The following IL24 variants were observed in gnomAD, a reference collection of about 807,000 sequenced individuals.
The protein encoded by IL24 is interleukin-24.
In IL24, 24 loss-of-function variants were observed where a neutral mutation model predicts 27.6. The ratio of observed to expected loss-of-function variants is 0.87; its 90% CI spans 0.63 to 1.22. The LOEUF (loss-of-function observed/expected upper bound fraction) is 1.22, where lower values mean the gene tolerates loss of function less well. Ranked by LOEUF, IL24 falls within the 50% of genes most tolerant of loss-of-function variation. The pLI is 0.00. For missense variants in IL24, 240 were observed against 237.0 expected, an observed-to-expected ratio of 1.01 and a Z score of -0.08; for synonymous variants, 99 against 93.1, an observed-to-expected ratio of 1.06 and a Z score of -0.36.
chr1:206,900,272 G>A (rs376856206), intron 3 of IL24, 23 bp from the exon 4 acceptor site: 46 of 1,611,330 alleles, frequency 2.9e-5, no homozygotes, highest in East Asian at 2.7e-4. Flanking sequence ...ACCTGGAGAC[G>A]TCTTTTCTTT....
At chr1:206,900,440 T>A in intron 4 of IL24, 83 bp downstream of exon 4, 14 of 1,233,458 alleles carry the variant, frequency 1.1e-5, no homozygotes, top group Non-Finnish European at 1.7e-5. Context: ...GGGAGGTTGA[T>A]GAAAGCCCTT....
chr1:206,898,635 G>C (rs935648028), intron 2 of IL24, among the ~76,000 whole-genome samples: 1 of 152,162 alleles, frequency 6.6e-6, no homozygotes, highest in Non-Finnish European at 1.5e-5. Context: ...TGGCACTTCA[G>C]AGGAAGGCTT....
At chr1:206,898,418 C>G (rs879353526) in intron 2 of IL24, among the ~76,000 whole-genome samples, 6 of 140,720 alleles carry the variant, frequency 4.3e-5, no homozygotes, top group Admixed American at 7.5e-5. Context: ...TAAAGAAGTA[C>G]GAAAGAAAGG....
At chr1:206,898,753 G>A (rs1558639946) in intron 2 of IL24, among the ~76,000 whole-genome samples, 1 of 152,156 alleles carries the variant, frequency 6.6e-6, no homozygotes, top group African/African-American at 2.4e-5. Context: ...CATAGTCTGT[G>A]TGTGACCCTG....
chr1:206,898,246 C>G (rs1678236089), intron 2 of IL24, among the ~76,000 whole-genome samples: 1 of 151,808 alleles, frequency 6.6e-6, no homozygotes, highest in Non-Finnish European at 1.5e-5. Context: ...AAAGCATAGC[C>G]CCCGTCCCCC....
Position 206,899,257 on chromosome 1 carries a change from C to CCAGGG in IL24, c.45-60_45-56dup, listed in dbSNP as rs995658903. On this transcript the variant is annotated intron_variant, in intron 2 of 6. Transcript: ENST00000294984. ...CCGGGGAGACCCTCGGAGCATTTTCCCAGGGCATGTAACTCTGGGTCAGAG... is the reference window on the plus strand; with the variant it reads ...CCGGGGAGACCCTCGGAGCATTTTCCCAGGGCAGGGCATGTAACTCTGGGTCAGAG... 126 of 1,543,544 alleles carry CCAGGG rather than the reference C, an allele frequency of 8.2e-5. No individual in the cohort carries two copies. In the African/African-American group the frequency reaches 1.6e-3, roughly 20 times the overall value.
At chr1:206,901,906 G>A (rs1412654663) in intron 5 of IL24, 92 bp from the exon 6 acceptor site, 8 of 1,320,930 alleles carry the variant, frequency 6.1e-6, no homozygotes, top group Admixed American at 1.8e-5. Context: ...CAGGCTTTGG[G>A]AGACCCTGTG....
Position 206,900,332 on chromosome 1 carries a change from A to G in IL24, c.278A>G (p.Gln93Arg). 2 of 1,614,062 alleles carry G rather than the reference A, an allele frequency of 1.2e-6. No homozygotes were observed. ...QDNITSARLL[Q>R]QEVLQNVSDA... Reference sequence around the variant, plus strand: ...AACATCACGAGTGCCCGGCTGCTGCAGCAGGAGGTTCTGCAGAACGTCTCG... The same window carrying G: ...AACATCACGAGTGCCCGGCTGCTGCGGCAGGAGGTTCTGCAGAACGTCTCG... Residue 93 changes from glutamine (Q) to arginine (R), a missense_variant, in exon 4 of 7, where the codon CAG (glutamine) becomes CGG (arginine). By Grantham distance (43) the Gln-to-Arg change is conservative. Coordinates refer to ENST00000294984, the MANE Select transcript of IL24 (RefSeq NM_006850.3).
At chr1:206,902,421 A>G (rs1678428234) in intron 6 of IL24, 1 of 295,144 alleles carries the variant, frequency 3.4e-6, no homozygotes, top group East Asian at 2.5e-4. Flanking sequence ...CCCCATACAC[A>G]TCTGCAGTAT....
In IL24 at chr1:206,900,200, T is replaced by C. The variant is rs752775458; in HGVS notation, c.241-95T>C. 2.1e-5 allele frequency: 24 copies of C among 1,132,222 alleles called. No homozygotes were observed. The African/African-American group carries it at 2.5e-4, about 12-fold the overall frequency. 70.1% of individuals were successfully genotyped at this position (1,132,222 alleles called of 1,614,324 possible). On this transcript the variant is annotated intron_variant, in intron 3 of 6. Coordinates refer to ENST00000294984, the MANE Select transcript of IL24 (RefSeq NM_006850.3). ...GGCCTTTGAGATCTCACAGACTAGATAGATTTAGGGGTCTAGGGAAGCAGC... is the reference window on the plus strand; with the variant it reads ...GGCCTTTGAGATCTCACAGACTAGACAGATTTAGGGGTCTAGGGAAGCAGC...
In IL24 at chr1:206,903,057, TG is replaced by T. The variant is rs749135298; in HGVS notation, c.620del (p.Ter207=). ...LTWMQKFYKL* is the reference protein window; with the variant it reads ...LTWMQKFYKLX The stretch of plus-strand genomic sequence containing the variant: ...CTGGATGCAGAAATTCTACAAGCTC[TG>T]AATGTCTAGACCAGGACCTCCCTCC... On this transcript the variant is annotated frameshift_variant and stop_lost, in exon 7 of 7. Coordinates refer to ENST00000294984, the MANE Select transcript of IL24 (RefSeq NM_006850.3). LOFTEE classifies it high-confidence loss of function. 3 of 1,613,272 alleles carry T rather than the reference TG, an allele frequency of 1.9e-6. No homozygotes were observed. The South Asian group carries it at 3.3e-5, about 18-fold the overall frequency.
In IL24 at chr1:206,899,545, G is replaced by T. The variant is rs567240288; in HGVS notation, c.240+30G>T. ...GTAAAGTGCTGTTCTGGACCCAGTCGTGGGGGTTCCTGGGGGCAGTGGGCC... is the reference window on the plus strand; with the variant it reads ...GTAAAGTGCTGTTCTGGACCCAGTCTTGGGGGTTCCTGGGGGCAGTGGGCC... On this transcript the variant is annotated intron_variant, in intron 3 of 6. Coordinates refer to ENST00000294984, the MANE Select transcript of IL24 (RefSeq NM_006850.3). The T allele has an allele frequency of 3.3e-6, 5 of 1,519,666 alleles. No homozygotes were observed. In the African/African-American group the frequency reaches 4.2e-5, roughly 13 times the overall value. The allele number at this position is 1,519,666 out of a possible 1,614,324, so 94.1% of individuals were successfully genotyped here.
At chr1:206,901,794 C>A in intron 5 of IL24, 142 bp downstream of exon 5, 1 of 864,100 alleles carries the variant, frequency 1.2e-6, no homozygotes, top group Non-Finnish European at 1.8e-6. Context: ...ATCACTCCTG[C>A]CTGGCAGGAT....
At chr1:206,898,721 A>T (rs1678254071) in intron 2 of IL24, among the ~76,000 whole-genome samples, 1 of 152,122 alleles carries the variant, frequency 6.6e-6, no homozygotes, top group Non-Finnish European at 1.5e-5. Context: ...TAGACTCAAG[A>T]GTGAGTGGTT....
chr1:206,901,655 G>A lies in IL24; in HGVS notation c.462+3G>A, dbSNP rs746696324. The A allele has an allele frequency of 8.7e-6, 14 of 1,612,670 alleles. No individual in the cohort carries two copies. Among genetic ancestry groups the A allele is most frequent in the Non-Finnish European group, 1.0e-5 (12 of 1,178,982 alleles). ...TCGTGTCACAACTGCAACCCAGTGTGAGTAGCACACGCTCTGGATACTGGC... is the reference window on the plus strand; with the variant it reads ...TCGTGTCACAACTGCAACCCAGTGTAAGTAGCACACGCTCTGGATACTGGC... On this transcript the variant is annotated splice_donor_region_variant and intron_variant, in intron 5 of 6. Transcript: ENST00000294984.
chr1:206,902,569 T>C (rs74939336), intron 6 of IL24: 1 of 967,096 alleles, frequency 1.0e-6, no homozygotes, highest in East Asian at 1.1e-4. Flanking sequence ...TCGATCACTT[T>C]TTTTTTTTTG....
intron 6 of IL24, 131 bp from the exon 7 acceptor site, chr1:206,902,845 C>A (rs1678449284): frequency 6.4e-7 from 1 of 1,558,712 alleles, no homozygotes; most frequent in Admixed American, 1.8e-5. Context: ...CAGGTGGGTT[C>A]ATCAGTGGGC....
rs1292080922 is a variant in IL24, at chr1:206,903,739, T to C, written c.*680T>C. 6.6e-6 allele frequency: 1 copy of C among 152,286 alleles called. No individual in the cohort carries two copies. Among genetic ancestry groups the C allele is most frequent in the East Asian group, 1.9e-4 (1 of 5,340 alleles). 9.4% of individuals were successfully genotyped at this position (152,286 alleles called of 1,614,324 possible). A position where few individuals can be genotyped will look rare whatever the true frequency, so the allele number is the denominator to read the frequency against. ...CCTTGGTGCCCTCCTTTTTTTTTTATCCTAGTCATTCTTCCCTAATCTTCC... is the reference window on the plus strand; with the variant it reads ...CCTTGGTGCCCTCCTTTTTTTTTTACCCTAGTCATTCTTCCCTAATCTTCC... On this transcript the variant is annotated 3_prime_UTR_variant, in exon 7 of 7. Transcript: ENST00000294984.
intron 6 of IL24, chr1:206,902,616 G>A (rs1202942584): frequency 2.0e-6 from 2 of 984,822 alleles, no homozygotes; most frequent in African/African-American, 1.8e-5. Flanking sequence ...AAATGGTGAA[G>A]AGCAATAACA....
Sources: allele counts gnomAD v4.1 joint callset (sites outside exome capture counted in the v4.1 genomes callset), GRCh38; gene constraint gnomAD v4.1.1; transcripts MANE v1.5; gene names NCBI Gene and HGNC (gene_info 2026-07-23, HGNC 2026-07-21).